Variants in EPHB1 observed in about 807,000 individuals in gnomAD.
The protein encoded by EPHB1 is EPH receptor B1, also known as ephrin type-B receptor 1.
EPHB1 carries 30 observed loss-of-function variants against 94.4 expected under a neutral mutation model. That is an observed-to-expected ratio of 0.32 (90% CI 0.24 to 0.43). The LOEUF is 0.43. Ranked by LOEUF, EPHB1 falls within the 20% of genes least tolerant of loss-of-function variation. The pLI is 1.00. For synonymous variants in EPHB1, 522 were observed against 489.1 expected (o/e 1.07, Z -0.89); for missense variants, 1,055 against 1,308.3 (o/e 0.81, Z 2.99).
At chr3:135,226,655 T>C (rs894436123) in intron 12 of EPHB1, among the ~76,000 whole-genome samples, 1 of 152,100 alleles carries the variant, frequency 6.6e-6, no homozygotes, top group African/African-American at 2.4e-5. Context: ...ACCTTCTACT[T>C]TCTTCCCCTA....
intron 2 of EPHB1, among the ~76,000 whole-genome samples, chr3:134,947,562 T>C (rs2039237599): frequency 6.6e-6 from 1 of 152,218 alleles, no homozygotes; most frequent in Non-Finnish European, 1.5e-5. Context: ...TCATTTGCTT[T>C]GATCACTCCC....
chr3:135,114,571 A>G (rs2107802961), intron 4 of EPHB1, among the ~76,000 whole-genome samples: 1 of 147,338 alleles, frequency 6.8e-6, no homozygotes, highest in African/African-American at 2.5e-5. Context: ...AAAAAATACA[A>G]AAATTAGCCG....
intron 3 of EPHB1, among the ~76,000 whole-genome samples, chr3:135,036,094 G>A (rs1250274453): frequency 6.6e-6 from 1 of 152,194 alleles, no homozygotes; most frequent in African/African-American, 2.4e-5. Flanking sequence ...GTGGCTGCCA[G>A]GCTTTAGTCT....
chr3:134,889,819 C>A (rs929552273), intron 1 of EPHB1, among the ~76,000 whole-genome samples: 5 of 151,680 alleles, frequency 3.3e-5, no homozygotes, highest in African/African-American at 1.2e-4. Context: ...CTGGGACTAC[C>A]GGTGCCCGCC....
At chr3:135,205,333 A>G (rs1300155294) in intron 12 of EPHB1, among the ~76,000 whole-genome samples, 3 of 152,076 alleles carry the variant, frequency 2.0e-5, no homozygotes, top group Non-Finnish European at 2.9e-5. Flanking sequence ...GTCTTTTTAT[A>G]TTACAGACAT....
chr3:134,795,570 C>T lies in EPHB1; in HGVS notation c.-62C>T, dbSNP rs1196919044. The T allele has an allele frequency of 1.0e-5, 16 of 1,531,822 alleles. No individual in the cohort carries two copies. The highest frequency in any genetic ancestry group is 1.4e-5 in the African/African-American group (1 of 70,152). 94.9% of individuals were successfully genotyped at this position (1,531,822 alleles called of 1,614,324 possible). A position where few individuals can be genotyped will look rare whatever the true frequency, so the allele number is the denominator to read the frequency against. On this transcript the variant is annotated 5_prime_UTR_variant, in exon 1 of 16. The change creates a new upstream start codon in the 5' untranslated region. Transcript: ENST00000398015. Reference sequence around the variant, plus strand: ...CGGAGAGCGCAGCGGCGCCCTGGGACGCGGCGCTCTCCCGGCGCTGCTGCC... The same window carrying T: ...CGGAGAGCGCAGCGGCGCCCTGGGATGCGGCGCTCTCCCGGCGCTGCTGCC...
At chr3:135,232,418 C>T (rs1315901575) in intron 12 of EPHB1, among the ~76,000 whole-genome samples, 4 of 152,154 alleles carry the variant, frequency 2.6e-5, no homozygotes, top group Non-Finnish European at 4.4e-5. Flanking sequence ...ATTGCACAGA[C>T]CCTCACTCGC....
At chr3:134,809,607 C>G (rs557531287) in intron 1 of EPHB1, among the ~76,000 whole-genome samples, 1 of 152,332 alleles carries the variant, frequency 6.6e-6, no homozygotes, top group African/African-American at 2.4e-5. Flanking sequence ...CAAAGCTACT[C>G]TCTGACACAG....
chr3:135,038,929 C>T (rs372151954), intron 3 of EPHB1, among the ~76,000 whole-genome samples: 39 of 152,182 alleles, frequency 2.6e-4, no homozygotes, highest in African/African-American at 7.7e-4. Flanking sequence ...TTGGTAGAGC[C>T]GAGTGGCCTG....
chr3:134,959,555 G>C (rs1054807696), intron 3 of EPHB1, among the ~76,000 whole-genome samples: 1 of 152,158 alleles, frequency 6.6e-6, no homozygotes, highest in African/African-American at 2.4e-5. Flanking sequence ...TGGTGGCTCT[G>C]TGGTTACACA....
rs145382635 is a variant in EPHB1, at chr3:134,906,523, T to C, written c.59-19293T>C. Among the ~76,000 whole-genome samples the C allele has an allele frequency of 7.9e-5, 12 of 152,310 alleles. No homozygotes were observed. In the East Asian group the frequency reaches 2.3e-3, roughly 29 times the overall value. On this transcript the variant is annotated intron_variant, in intron 1 of 15. Transcript: ENST00000398015. The stretch of plus-strand genomic sequence containing the variant: ...CAAGTTTTAAATATCACTGATCAAA[T>C]TCTTCTAGCATGTTTGTCCAGGCCA...
intron 3 of EPHB1, among the ~76,000 whole-genome samples, chr3:135,002,273 C>A (rs1378277937): frequency 6.6e-6 from 1 of 152,186 alleles, no homozygotes; most frequent in Non-Finnish European, 1.5e-5. Flanking sequence ...ATATATTGAA[C>A]CAGCCTTGCA....
intron 3 of EPHB1, among the ~76,000 whole-genome samples, chr3:134,963,749 C>T (rs1239564353): frequency 6.6e-6 from 1 of 152,094 alleles, no homozygotes; most frequent in Non-Finnish European, 1.5e-5. Flanking sequence ...TAAAGAAGAG[C>T]CAAGATTTGT....
intron 1 of EPHB1, among the ~76,000 whole-genome samples, chr3:134,847,681 T>G (rs756572828): frequency 2.0e-5 from 3 of 152,226 alleles, no homozygotes; most frequent in Admixed American, 6.5e-5. Flanking sequence ...GGGTGCATCC[T>G]CACGAGTATC....
intron 3 of EPHB1, among the ~76,000 whole-genome samples, chr3:135,047,890 C>T (rs1319914419): frequency 6.6e-6 from 1 of 152,152 alleles, no homozygotes; most frequent in Non-Finnish European, 1.5e-5. Flanking sequence ...ATGCACAGGA[C>T]AGCCCCTCCC....
chr3:135,135,299 C>G (rs1940577610), intron 5 of EPHB1, among the ~76,000 whole-genome samples: 1 of 146,250 alleles, frequency 6.8e-6, no homozygotes, highest in South Asian at 2.2e-4. Context: ...AATCTATGGG[C>G]TGTGGACTGA....
chr3:134,859,001 G>A (rs528796813), intron 1 of EPHB1, among the ~76,000 whole-genome samples: 8 of 152,348 alleles, frequency 5.3e-5, no homozygotes, highest in Non-Finnish European at 1.2e-4. Context: ...TGCCCTCACG[G>A]TGACTGAAGT....
intron 4 of EPHB1, among the ~76,000 whole-genome samples, chr3:135,121,100 C>T (rs1398662190): frequency 2.6e-5 from 4 of 152,184 alleles, no homozygotes; most frequent in African/African-American, 2.4e-5. Flanking sequence ...TCATCAGTGC[C>T]TAGTATCCAA....
At chr3:135,086,515 A>G (rs2107789336) in intron 3 of EPHB1, among the ~76,000 whole-genome samples, 1 of 151,782 alleles carries the variant, frequency 6.6e-6, no homozygotes, top group South Asian at 2.1e-4. Context: ...TGACACTAGC[A>G]AGCTGCTAAA....
Sources: allele counts gnomAD v4.1 joint callset (sites outside exome capture counted in the v4.1 genomes callset), GRCh38; gene constraint gnomAD v4.1.1; transcripts MANE v1.5; gene names NCBI Gene and HGNC (gene_info 2026-07-23, HGNC 2026-07-21).